The following HOOK3 variants were observed in gnomAD, a reference collection of about 807,000 sequenced individuals.
The protein encoded by HOOK3 is protein Hook homolog 3.
Under a neutral mutation model 116.3 loss-of-function variants are expected in HOOK3, and 24 were observed. That is an observed-to-expected ratio of 0.21 (90% CI 0.15 to 0.29). HOOK3 has a LOEUF of 0.29. HOOK3 is among the 10% of genes least tolerant of loss of function. The pLI is 1.00. For synonymous variants in HOOK3, 275 were observed against 283.0 expected, an observed-to-expected ratio of 0.97 and a Z score of 0.28; for missense variants, 632 against 830.2, an observed-to-expected ratio of 0.76 and a Z score of 2.93.
intron 5 of HOOK3, 63 bp from the exon 6 acceptor site, chr8:42,950,325 G>C (rs1489626781): frequency 3.8e-6 from 4 of 1,058,764 alleles, no homozygotes; most frequent in Non-Finnish European, 5.9e-6. Context: ...TGAAGTATGA[G>C]CCTTGATTCC....
At position 43,023,788 on chromosome 8, in the gene HOOK3, T is replaced by C. The variant is rs1036531700; in HGVS notation, c.*5290T>C. ...TATTTCCTTTTCGAAAGTAGCAGTT[T>C]GGTTTATTCTCGTTTGCTAAGTAAT... On this transcript the variant is annotated 3_prime_UTR_variant, in exon 22 of 22. Transcript: ENST00000307602. 14 of 200,516 alleles carry C rather than the reference T, an allele frequency of 7.0e-5. No homozygotes were observed. Among genetic ancestry groups the C allele is most frequent in the African/African-American group, 3.2e-4 (14 of 43,566 alleles). The allele number at this position is 200,516 out of a possible 1,614,324, so 12.4% of individuals were successfully genotyped here. A position where few individuals can be genotyped will look rare whatever the true frequency, so the allele number is the denominator to read the frequency against.
intron 21 of HOOK3, among the ~76,000 whole-genome samples, chr8:43,017,402 G>A (rs1339098615): frequency 6.6e-6 from 1 of 152,182 alleles, no homozygotes; most frequent in African/African-American, 2.4e-5. Context: ...AAGTAGCTGG[G>A]ACTATGGGCA....
chr8:42,945,940 G>T (rs1347423289), intron 5 of HOOK3, among the ~76,000 whole-genome samples: 1 of 151,966 alleles, frequency 6.6e-6, no homozygotes, highest in Non-Finnish European at 1.5e-5. Context: ...CTTTTTTATA[G>T]TTCTTCCAAA....
chr8:42,951,262 TATTG>T (rs1251988676), intron 6 of HOOK3, among the ~76,000 whole-genome samples: 1 of 151,252 alleles, frequency 6.6e-6, no homozygotes, highest in Non-Finnish European at 1.5e-5. Flanking sequence ...GGTTTCACCA[TATTG>T]GTCAGGCTGG....
intron 13 of HOOK3, among the ~76,000 whole-genome samples, chr8:42,975,554 G>T (rs991617933): frequency 2.6e-5 from 4 of 152,176 alleles, no homozygotes; most frequent in African/African-American, 9.7e-5. Flanking sequence ...CAAAGACACG[G>T]GATGAGTCAA....
rs776525411 is a variant in HOOK3 at position 42,959,243 on chromosome 8, A to G, written c.544A>G (p.Thr182Ala). The change falls in exon 8 of 22, where the codon ACA (threonine) becomes GCA (alanine). Residue 182 changes from threonine to alanine, a missense_variant. Coordinates refer to ENST00000307602, the MANE Select transcript of HOOK3 (RefSeq NM_032410.4). Reference sequence around the variant, plus strand: ...TGTTTCTAACCAGCTGAAGAAAACTACAGAGGAACTAAATGAAGCTTTGTC... The same window carrying G: ...TGTTTCTAACCAGCTGAAGAAAACTGCAGAGGAACTAAATGAAGCTTTGTC... ...VDLDRQLKKT[T>A]EELNEALSAK... 1.2e-5 allele frequency: 20 copies of G among 1,612,250 alleles called. No individual in the cohort carries two copies. Among genetic ancestry groups the G allele is most frequent in the African/African-American group, 2.7e-5 (2 of 75,016 alleles).
At chr8:42,898,279 C>G (rs1230039130) in intron 1 of HOOK3, among the ~76,000 whole-genome samples, 1 of 152,212 alleles carries the variant, frequency 6.6e-6, no homozygotes, top group East Asian at 1.9e-4. Flanking sequence ...TTTCTGTCCT[C>G]TGAAACAGAC....
chr8:43,018,488 C>T lies in HOOK3; in HGVS notation c.2147C>T (p.Thr716Ile). Residue 716 changes from threonine (T) to isoleucine (I), a missense_variant, in exon 22 of 22, where the codon ACA (threonine) becomes ATA (isoleucine). This residue lies in a region of HOOK3 where 483 missense variants were observed against 648.1 expected (regional missense o/e 0.75). Transcript: ENST00000307602. ...TACCCAGGCCACGTGCAGCCGGCCACAGCAAGGTAGAGAAGTTGTGCCGCT... is the reference window on the plus strand; with the variant it reads ...TACCCAGGCCACGTGCAGCCGGCCATAGCAAGGTAGAGAAGTTGTGCCGCT... ...RSYPGHVQPA[T>I]AR 6.2e-7 allele frequency: 1 copy of T among 1,610,740 alleles called. No individual in the cohort carries two copies. The highest frequency in any genetic ancestry group is 8.5e-7 in the Non-Finnish European group (1 of 1,179,000).
At chr8:42,975,021 T>C (rs1339027545) in intron 13 of HOOK3, among the ~76,000 whole-genome samples, 1 of 152,028 alleles carries the variant, frequency 6.6e-6, no homozygotes, top group Non-Finnish European at 1.5e-5. Flanking sequence ...TGAACTCCCC[T>C]CCTTGGCGTA....
intron 13 of HOOK3, among the ~76,000 whole-genome samples, chr8:42,978,570 C>T (rs1004669104): frequency 6.6e-6 from 1 of 152,062 alleles, no homozygotes; most frequent in Non-Finnish European, 1.5e-5. Flanking sequence ...GCCACCACAC[C>T]CGGCTAGTTT....
intron 7 of HOOK3, among the ~76,000 whole-genome samples, chr8:42,957,692 C>T (rs766552299): frequency 1.3e-5 from 2 of 152,066 alleles, no homozygotes; most frequent in Admixed American, 6.6e-5. Context: ...GATGTCTTCT[C>T]GATCCCACCC....
intron 17 of HOOK3, among the ~76,000 whole-genome samples, chr8:43,006,800 G>C (rs1809500051): frequency 6.6e-6 from 1 of 152,046 alleles, no homozygotes; most frequent in Non-Finnish European, 1.5e-5. Context: ...AGATCAGAAA[G>C]ACGTAAAGTG....
chr8:42,916,537 C>T (rs1253727907), intron 2 of HOOK3, among the ~76,000 whole-genome samples: 2 of 152,122 alleles, frequency 1.3e-5, no homozygotes, highest in African/African-American at 4.8e-5. Flanking sequence ...TTATAAGACC[C>T]AGAGAGACAT....
At chr8:42,954,187 A>C (rs775473865) in intron 6 of HOOK3, among the ~76,000 whole-genome samples, 1 of 152,242 alleles carries the variant, frequency 6.6e-6, no homozygotes, top group Admixed American at 6.5e-5. Context: ...AAAAATAAAA[A>C]TTAAGATGAG....
intron 4 of HOOK3, among the ~76,000 whole-genome samples, chr8:42,936,364 A>G (rs1807971903): frequency 6.6e-6 from 1 of 152,142 alleles, no homozygotes; most frequent in Non-Finnish European, 1.5e-5. Context: ...CTCTCTTTCT[A>G]TTTGAATATC....
At chr8:42,945,227 G>T (rs1379739390) in intron 5 of HOOK3, among the ~76,000 whole-genome samples, 2 of 152,194 alleles carry the variant, frequency 1.3e-5, no homozygotes, top group Non-Finnish European at 2.9e-5. Flanking sequence ...CTTGCACATA[G>T]TAGTGGTTCA....
At chr8:42,983,092 T>G (rs953682813) in intron 14 of HOOK3, among the ~76,000 whole-genome samples, 3 of 152,162 alleles carry the variant, frequency 2.0e-5, no homozygotes, top group African/African-American at 7.2e-5. Flanking sequence ...CCCAGCACTT[T>G]GTGAGGCTGA....
chr8:42,947,011 C>T (rs1030410253), intron 5 of HOOK3, among the ~76,000 whole-genome samples: 3 of 152,058 alleles, frequency 2.0e-5, no homozygotes, highest in Non-Finnish European at 4.4e-5. Flanking sequence ...CCTCATGATC[C>T]GCCTGCCTCG....
intron 5 of HOOK3, among the ~76,000 whole-genome samples, chr8:42,945,271 CAT>C (rs1808204655): frequency 6.6e-6 from 1 of 152,084 alleles, no homozygotes; most frequent in Non-Finnish European, 1.5e-5. Flanking sequence ...AACATGAAAA[CAT>C]AAGTTTTACA....
Sources: allele counts gnomAD v4.1 joint callset (sites outside exome capture counted in the v4.1 genomes callset), GRCh38; gene constraint gnomAD v4.1.1; regional missense constraint gnomAD v4.1.1; transcripts MANE v1.5; gene names NCBI Gene and HGNC (gene_info 2026-07-23, HGNC 2026-07-21).